Variants in CCSER1 observed in about 807,000 individuals in gnomAD.
The protein encoded by CCSER1 is coiled-coil serine rich protein 1.
A neutral mutation model predicts 82.0 loss-of-function variants in CCSER1; 41 were observed. The observed-to-expected ratio is 0.50, with a 90% CI of 0.39 to 0.65. The LOEUF is 0.65. Ranked by LOEUF, CCSER1 falls within the 30% of genes least tolerant of loss-of-function variation. CCSER1 has a pLI of 0.00. For missense variants in CCSER1, 1,119 were observed against 1,064.2 expected, an observed-to-expected ratio of 1.05 and a Z score of -0.72; for synonymous variants, 414 against 383.9, an observed-to-expected ratio of 1.08 and a Z score of -0.92.
At chr4:90,741,914 A>C (rs75833748) in intron 7 of CCSER1, among the ~76,000 whole-genome samples, 7,972 of 152,214 alleles carry the variant, frequency 0.052, 474 homozygotes, top group African/African-American at 0.15. Context: ...TCATTCTCAC[A>C]CTGCTTTAAA....
At chr4:91,506,605 T>G (rs767055749) in intron 10 of CCSER1, among the ~76,000 whole-genome samples, 2 of 152,158 alleles carry the variant, frequency 1.3e-5, no homozygotes, top group Non-Finnish European at 2.9e-5. Context: ...ATTCTTATTC[T>G]TATCAACTTT....
At chr4:90,692,124 A>G (rs1012169212) in intron 6 of CCSER1, among the ~76,000 whole-genome samples, 1 of 150,576 alleles carries the variant, frequency 6.6e-6, no homozygotes, top group Non-Finnish European at 1.5e-5. Context: ...TCTCTTATTT[A>G]TGAAGGTATT....
At chr4:91,011,613 A>G (rs1739011811) in intron 9 of CCSER1, among the ~76,000 whole-genome samples, 1 of 134,506 alleles carries the variant, frequency 7.4e-6, no homozygotes, top group Non-Finnish European at 1.7e-5. Flanking sequence ...TGTCTATGAC[A>G]CTGAACCCTG....
intron 1 of CCSER1, among the ~76,000 whole-genome samples, chr4:90,211,308 A>G (rs1739948787): frequency 6.6e-6 from 1 of 152,210 alleles, no homozygotes; most frequent in Admixed American, 6.5e-5. Context: ...TAAAAGTCAT[A>G]TCTCTACCTT....
Position 91,223,576 on chromosome 4 carries a change from G to T in CCSER1, c.2217+137582G>T, listed in dbSNP as rs140757216. On this transcript the variant is annotated intron_variant, in intron 10 of 10. Transcript: ENST00000509176. The stretch of plus-strand genomic sequence containing the variant: ...AATACATAACTGAAATTTAGGTAGG[G>T]CCCAGATAATTTGCAAGGTGAAAAA... Among the ~76,000 whole-genome samples the T allele has an allele frequency of 3.1e-3, 477 of 152,186 alleles. 2 individuals carry two copies. The highest frequency in any genetic ancestry group is 3.3e-3 in the Non-Finnish European group (222 of 67,984).
chr4:90,839,254 T>C (rs557510989), intron 8 of CCSER1, among the ~76,000 whole-genome samples: 112 of 152,338 alleles, frequency 7.4e-4, no homozygotes, highest in African/African-American at 2.6e-3. Context: ...ATTAGTATCA[T>C]CTAATAAATG....
chr4:91,378,811 G>C (rs918393983), intron 10 of CCSER1, among the ~76,000 whole-genome samples: 34 of 152,112 alleles, frequency 2.2e-4, no homozygotes, highest in African/African-American at 7.7e-4. Flanking sequence ...GTAAGAGAGG[G>C]CATCCCTGTT....
chr4:90,587,305 A>T (rs1782134206), intron 5 of CCSER1, among the ~76,000 whole-genome samples: 1 of 152,186 alleles, frequency 6.6e-6, no homozygotes, highest in Non-Finnish European at 1.5e-5. Flanking sequence ...TATTATAGCA[A>T]CCATAGGAAA....
chr4:90,538,770 C>T (rs1483341125), intron 5 of CCSER1, among the ~76,000 whole-genome samples: 6 of 151,834 alleles, frequency 4.0e-5, no homozygotes, highest in African/African-American at 1.2e-4. Context: ...ATTGTCTCCA[C>T]GAGAGTTAAT....
At chr4:90,612,520 C>G (rs1244336146) in intron 5 of CCSER1, among the ~76,000 whole-genome samples, 1 of 152,124 alleles carries the variant, frequency 6.6e-6, no homozygotes, top group Non-Finnish European at 1.5e-5. Context: ...ATATGCAACT[C>G]CATTTTTAAA....
chr4:90,530,340 G>GC (rs1774348589), intron 5 of CCSER1, among the ~76,000 whole-genome samples: 1 of 152,110 alleles, frequency 6.6e-6, no homozygotes, highest in Non-Finnish European at 1.5e-5. Context: ...GCAAGGGGAG[G>GC]CCAGTGGGAC....
chr4:90,451,643 G>A (rs1026309962), intron 4 of CCSER1, among the ~76,000 whole-genome samples: 3 of 152,170 alleles, frequency 2.0e-5, no homozygotes, highest in Admixed American at 6.5e-5. Context: ...GGACTGAAGT[G>A]TGTATCCCTG....
chr4:91,386,811 A>G (rs926551737), intron 10 of CCSER1, among the ~76,000 whole-genome samples: 1 of 152,088 alleles, frequency 6.6e-6, no homozygotes, highest in African/African-American at 2.4e-5. Flanking sequence ...CCTGCATTTA[A>G]TCATGAGCAA....
At chr4:90,707,352 C>A (rs968830932) in intron 6 of CCSER1, among the ~76,000 whole-genome samples, 33 of 152,030 alleles carry the variant, frequency 2.2e-4, no homozygotes, top group Non-Finnish European at 4.3e-4. Context: ...CTTGAACAAG[C>A]TGAATTACTG....
chr4:91,518,286 C>T (rs1760260841), intron 10 of CCSER1, among the ~76,000 whole-genome samples: 1 of 152,132 alleles, frequency 6.6e-6, no homozygotes, highest in African/African-American at 2.4e-5. Flanking sequence ...GTGCTATTGG[C>T]TCATGATGGA....
At chr4:91,022,348 C>T (rs1273150720) in intron 9 of CCSER1, among the ~76,000 whole-genome samples, 21 of 152,020 alleles carry the variant, frequency 1.4e-4, no homozygotes, top group Admixed American at 1.4e-3. Context: ...TTTTTTATGG[C>T]TGCAGAGTAT....
chr4:90,698,470 G>A (rs1355788397), intron 6 of CCSER1, among the ~76,000 whole-genome samples: 1 of 152,142 alleles, frequency 6.6e-6, no homozygotes, highest in Non-Finnish European at 1.5e-5. Context: ...ATATAGAGAT[G>A]GGAACCTGGG....
At chr4:90,413,881 G>A (rs1250106257) in intron 4 of CCSER1, among the ~76,000 whole-genome samples, 2 of 143,008 alleles carry the variant, frequency 1.4e-5, no homozygotes, top group Non-Finnish European at 3.0e-5. Flanking sequence ...CCCGGGAGGT[G>A]GAGCTTGCAG....
intron 1 of CCSER1, among the ~76,000 whole-genome samples, chr4:90,167,789 A>G (rs1314241304): frequency 5.9e-5 from 9 of 151,926 alleles, no homozygotes; most frequent in Admixed American, 2.0e-4. Context: ...CCATGTCCCT[A>G]CAAAGGACAT....
Sources: gnomAD v4.1 joint callset for allele counts (sites outside exome capture counted in the v4.1 genomes callset) on GRCh38, gnomAD v4.1.1 for gene constraint, MANE v1.5 for transcripts, NCBI Gene and HGNC (gene_info 2026-07-23, HGNC 2026-07-21) for gene names.